Variants in ALPK2 observed in about 807,000 individuals in gnomAD.
The protein encoded by ALPK2 is alpha kinase 2.
Under a neutral mutation model 163.1 loss-of-function variants are expected in ALPK2, and 127 were observed. That is an observed-to-expected ratio of 0.78 (90% CI 0.67 to 0.90). The LOEUF (loss-of-function observed/expected upper bound fraction) is 0.90, where lower values mean the gene tolerates loss of function less well. ALPK2 is among the 40% of genes least tolerant of loss of function. The pLI is 0.00. For missense variants in ALPK2, 2,360 were observed against 2,589.6 expected, an observed-to-expected ratio of 0.91 and a Z score of 1.92; for synonymous variants, 953 against 959.1, an observed-to-expected ratio of 0.99 and a Z score of 0.12.
Position 58,535,021 on chromosome 18 carries a change from A to G in ALPK2, c.5166T>C (p.His1722=), listed in dbSNP as rs1261067712. The change falls in exon 5 of 13, where the codon CAT becomes CAC. Residue 1722 remains histidine, a synonymous_variant. Coordinates refer to ENST00000361673, the MANE Select transcript of ALPK2 (RefSeq NM_052947.4). The part of the protein sequence containing the change: ...KRKPEAPGSG[H]LAEGVKKKIL... ...TTTTCTTCTTTACTCCCTCAGCTAA[A>G]TGTCCACTGCCTGGGGCTTCTGGCT... The G allele has an allele frequency of 1.2e-6, 2 of 1,613,860 alleles. No homozygotes were observed. The highest frequency in any genetic ancestry group is 1.3e-5 in the African/African-American group (1 of 74,864).
chr18:58,538,841 T>C (rs2051673131), intron 4 of ALPK2, among the ~76,000 whole-genome samples: 2 of 152,010 alleles, frequency 1.3e-5, no homozygotes, highest in Non-Finnish European at 2.9e-5. Flanking sequence ...GGGGAATGAG[T>C]GAGTTCTCAA....
intron 4 of ALPK2, among the ~76,000 whole-genome samples, chr18:58,570,531 A>G (rs1038665591): frequency 1.3e-5 from 2 of 152,240 alleles, no homozygotes; most frequent in African/African-American, 4.8e-5. Context: ...TTTTCTGCTG[A>G]TACTTAAAAC....
In ALPK2 at chr18:58,604,628, G is replaced by A. The variant is rs1320710371; in HGVS notation, c.227+2694C>T. 2.6e-5 allele frequency among the ~76,000 whole-genome samples: 4 copies of A among 152,186 alleles called. No homozygotes were observed. In the East Asian group the frequency reaches 7.7e-4, roughly 29 times the overall value. On this transcript the variant is annotated intron_variant, in intron 3 of 12. Transcript: ENST00000361673. ...CATACTTACTGCTAAGCAGCAAAACGTGACCACATCTATTACAGGGCTCTA... is the reference window on the plus strand; with the variant it reads ...CATACTTACTGCTAAGCAGCAAAACATGACCACATCTATTACAGGGCTCTA...
At chr18:58,508,403 G>T (rs1259895158) in intron 10 of ALPK2, among the ~76,000 whole-genome samples, 1 of 152,214 alleles carries the variant, frequency 6.6e-6, no homozygotes, top group East Asian at 1.9e-4. Flanking sequence ...TTCCCTGATG[G>T]TTAAGGCATT....
At position 58,523,786 on chromosome 18, in the gene ALPK2, G is replaced by A. The variant is rs901691112; in HGVS notation, c.5665+20C>T. On this transcript the variant is annotated intron_variant, in intron 8 of 12. Coordinates refer to ENST00000361673, the MANE Select transcript of ALPK2 (RefSeq NM_052947.4). Reference sequence around the variant, plus strand: ...ACAGTAAGCCCATTTCCTCTGGCAGGTCAACCCTAACTGACTTACCTTTAG... The same window carrying A: ...ACAGTAAGCCCATTTCCTCTGGCAGATCAACCCTAACTGACTTACCTTTAG... 3.1e-6 allele frequency: 5 copies of A among 1,613,994 alleles called. No homozygotes were observed. Among genetic ancestry groups the A allele is most frequent in the Non-Finnish European group, 4.2e-6 (5 of 1,180,002 alleles).
At chr18:58,580,786 C>G (rs763779372) in intron 3 of ALPK2, 18 of 533,116 alleles carry the variant, frequency 3.4e-5, no homozygotes, top group Non-Finnish European at 6.0e-5. Flanking sequence ...AACGCTGCCT[C>G]AAATGGAAAA....
At position 58,579,425 on chromosome 18, in the gene ALPK2, G is replaced by C. The variant is rs2051942887; in HGVS notation, c.1351C>G (p.Leu451Val). 6.2e-7 allele frequency: 1 copy of C among 1,614,178 alleles called. No homozygotes were observed. Reference sequence around the variant, plus strand: ...TCAGCAGCCTCGGGAGCAGTGGGGAGTTTATATCTCCCCTGTTCTGTCACT... The same window carrying C: ...TCAGCAGCCTCGGGAGCAGTGGGGACTTTATATCTCCCCTGTTCTGTCACT... ...SSVTEQGRYK[L>V]PTAPEAAEND... Residue 451 changes from leucine to valine, a missense_variant, in exon 4 of 13, where the codon CTC (leucine) becomes GTC (valine). Coordinates refer to ENST00000361673, the MANE Select transcript of ALPK2 (RefSeq NM_052947.4).
chr18:58,485,850 G>A (rs2051336270), intron 12 of ALPK2, among the ~76,000 whole-genome samples: 1 of 152,188 alleles, frequency 6.6e-6, no homozygotes, highest in Admixed American at 6.5e-5. Flanking sequence ...TGTCACGAGT[G>A]GGCAGGGGCA....
At chr18:58,525,967 GAAA>G (rs10653750) in intron 6 of ALPK2, among the ~76,000 whole-genome samples, 5 of 117,684 alleles carry the variant, frequency 4.2e-5, no homozygotes, top group African/African-American at 1.3e-4. Context: ...TGATGAAAAA[GAAA>G]AAAAAAAAAA....
intron 12 of ALPK2, among the ~76,000 whole-genome samples, chr18:58,482,892 G>A (rs955901764): frequency 3.3e-5 from 5 of 152,196 alleles, no homozygotes; most frequent in African/African-American, 9.6e-5. Context: ...TTGGTTGAAG[G>A]TGCAGGCTTC....
In ALPK2 at chr18:58,579,924, G is replaced by T. The variant is rs764287826; in HGVS notation, c.852C>A (p.Tyr284Ter). 1 of 1,614,178 alleles carries T rather than the reference G, an allele frequency of 6.2e-7. No homozygotes were observed. Among genetic ancestry groups the T allele is most frequent in the South Asian group, 1.1e-5 (1 of 91,084 alleles). ...LPLSEATAHIYPGDSAVANKQ... is the reference protein window; with the variant it reads ...LPLSEATAHI The stretch of plus-strand genomic sequence containing the variant: ...TGTTGGCCACGGCACTGTCACCTGG[G>T]TAAATGTGTGCAGTTGCCTCAGATA... The change falls in exon 4 of 13, where the codon TAC (tyrosine) becomes TAA (stop). Residue 284 changes from tyrosine to a stop codon, truncating the protein, a stop_gained. Transcript: ENST00000361673. LOFTEE classifies it high-confidence loss of function.
chr18:58,531,781 T>G (rs1385806411), intron 5 of ALPK2, among the ~76,000 whole-genome samples: 1 of 149,852 alleles, frequency 6.7e-6, no homozygotes, highest in Non-Finnish European at 1.5e-5. Flanking sequence ...CTACTAAATA[T>G]ACAAAAATTA....
chr18:58,552,739 C>T (rs2051766481), intron 4 of ALPK2, among the ~76,000 whole-genome samples: 1 of 152,076 alleles, frequency 6.6e-6, no homozygotes, highest in South Asian at 2.1e-4. Flanking sequence ...TATAAGGAGA[C>T]AAGGTTGTTA....
chr18:58,605,322 ATACT>A (rs111734168), intron 3 of ALPK2, among the ~76,000 whole-genome samples: 5 of 152,408 alleles, frequency 3.3e-5, no homozygotes, highest in Middle Eastern at 3.4e-3. Flanking sequence ...AAAGGCTAAA[ATACT>A]TACTATCTGG....
At chr18:58,573,336 GTATA>G (rs1296648521) in intron 4 of ALPK2, among the ~76,000 whole-genome samples, 2 of 108,464 alleles carry the variant, frequency 1.8e-5, no homozygotes, top group Admixed American at 1.8e-4. Flanking sequence ...GTATATATGT[GTATA>G]TATATGTATA....
chr18:58,602,714 G>T (rs1037513343), intron 3 of ALPK2, among the ~76,000 whole-genome samples: 3 of 152,188 alleles, frequency 2.0e-5, no homozygotes, highest in Non-Finnish European at 4.4e-5. Context: ...CTACTGGGCT[G>T]CATTCCCAGG....
intron 2 of ALPK2, among the ~76,000 whole-genome samples, chr18:58,609,595 GCTGA>G (rs1209963317): frequency 6.6e-6 from 1 of 152,150 alleles, no homozygotes; most frequent in African/African-American, 2.4e-5. Context: ...TTTCCTAATG[GCTGA>G]CTGTTTTTTT....
intron 5 of ALPK2, among the ~76,000 whole-genome samples, chr18:58,531,506 T>G (rs1045868996): frequency 2.6e-5 from 4 of 152,126 alleles, no homozygotes; most frequent in African/African-American, 7.2e-5. Flanking sequence ...CAACTTTTGT[T>G]ATTTTTAAGC....
chr18:58,483,947 C>T (rs1339908215), intron 12 of ALPK2, among the ~76,000 whole-genome samples: 1 of 152,066 alleles, frequency 6.6e-6, no homozygotes, highest in African/African-American at 2.4e-5. Context: ...GGACTGTGCA[C>T]CTCCTCTTTG....
Sources: allele counts gnomAD v4.1 joint callset (sites outside exome capture counted in the v4.1 genomes callset), GRCh38; gene constraint gnomAD v4.1.1; transcripts MANE v1.5; gene names NCBI Gene and HGNC (gene_info 2026-07-23, HGNC 2026-07-21).